Variants in CDIN1 observed in about 807,000 individuals in gnomAD.
The protein encoded by CDIN1 is CDAN1-interacting nuclease 1.
Under a neutral mutation model 45.3 loss-of-function variants are expected in CDIN1, and 33 were observed. That is an observed-to-expected ratio of 0.73 (90% CI 0.55 to 0.97). The LOEUF (loss-of-function observed/expected upper bound fraction) is 0.97. Ranked by LOEUF, CDIN1 falls within the 50% of genes least tolerant of loss-of-function variation. CDIN1 has a pLI of 0.00. For synonymous variants in CDIN1, 118 were observed against 124.4 expected (o/e 0.95, Z 0.34); for missense variants, 303 against 339.4 (o/e 0.89, Z 0.84).
intron 10 of CDIN1, among the ~76,000 whole-genome samples, chr15:36,733,976 A>G (rs1165735779): frequency 1.3e-5 from 2 of 152,154 alleles, no homozygotes; most frequent in Admixed American, 6.6e-5. Context: ...ATGTTAATAT[A>G]TTAATAGGGG....
At chr15:36,637,932 G>A (rs930230685) in intron 1 of CDIN1, among the ~76,000 whole-genome samples, 1 of 152,132 alleles carries the variant, frequency 6.6e-6, no homozygotes, top group African/African-American at 2.4e-5. Flanking sequence ...AACTAGGAAA[G>A]ATCAGAAGTG....
At chr15:36,584,455 G>A (rs2037196398) in intron 1 of CDIN1, among the ~76,000 whole-genome samples, 1 of 152,086 alleles carries the variant, frequency 6.6e-6, no homozygotes, top group South Asian at 2.1e-4. Flanking sequence ...AAAACAAAAA[G>A]CAAACAATAA....
At chr15:36,590,773 T>A (rs1566815442) in intron 1 of CDIN1, among the ~76,000 whole-genome samples, 3 of 152,222 alleles carry the variant, frequency 2.0e-5, no homozygotes, top group Non-Finnish European at 4.4e-5. Context: ...AGACCATTGA[T>A]ATTTACAAGG....
intron 10 of CDIN1, among the ~76,000 whole-genome samples, chr15:36,753,410 G>T (rs1373548902): frequency 6.6e-6 from 1 of 151,978 alleles, no homozygotes; most frequent in African/African-American, 2.4e-5. Context: ...GGATTATCTG[G>T]GATCATGTAG....
intron 1 of CDIN1, among the ~76,000 whole-genome samples, chr15:36,639,430 C>T (rs531502818): frequency 3.8e-4 from 58 of 152,254 alleles, no homozygotes; most frequent in Non-Finnish European, 7.8e-4. Context: ...CATGGTGAAA[C>T]CCTGTCTCTA....
At chr15:36,729,551 C>G (rs993945202) in intron 10 of CDIN1, among the ~76,000 whole-genome samples, 4 of 152,020 alleles carry the variant, frequency 2.6e-5, no homozygotes, top group South Asian at 2.1e-4. Context: ...GATAAATATG[C>G]CTTTGTCATG....
intron 10 of CDIN1, among the ~76,000 whole-genome samples, chr15:36,805,864 A>G (rs2597504): frequency 0.74 from 112,984 of 152,104 alleles, 43,272 homozygotes; most frequent in East Asian, 0.94. Flanking sequence ...TCACCCTCTA[A>G]AGTCCTTACT....
chr15:36,617,133 A>G, intron 1 of CDIN1: 1 of 954,992 alleles, frequency 1.0e-6, no homozygotes, highest in Non-Finnish European at 1.7e-6. Flanking sequence ...GAACTGGTTT[A>G]AATCCTAATG....
At chr15:36,728,219 A>ATTTTTTCCTTT (rs1415972133) in intron 10 of CDIN1, among the ~76,000 whole-genome samples, 1 of 152,132 alleles carries the variant, frequency 6.6e-6, no homozygotes, top group African/African-American at 2.4e-5. Context: ...GCTTCACTGG[A>ATTTTTTCCTTT]ATTGAAAAAG....
Position 36,800,873 on chromosome 15 carries a change from G to GTA in CDIN1, c.717-7445_717-7444dup, listed in dbSNP as rs1420469121. 6.4e-3 allele frequency among the ~76,000 whole-genome samples: 456 copies of GTA among 71,286 alleles called. 8 individuals carry two copies. The highest frequency in any genetic ancestry group is 0.017 in the South Asian group (29 of 1,742). The allele number at this position is 71,286 out of a possible 152,430, so 46.8% of individuals were successfully genotyped here. ...TGATTATACATATGTGTGTGTGTGTGTATATATGTGTGTGTGTGTGTGTGT... is the reference window on the plus strand; with the variant it reads ...TGATTATACATATGTGTGTGTGTGTGTATATATATGTGTGTGTGTGTGTGTGT... On this transcript the variant is annotated intron_variant, in intron 10 of 10. Transcript: ENST00000566621.
intron 10 of CDIN1, among the ~76,000 whole-genome samples, chr15:36,801,929 G>C (rs760185378): frequency 5.3e-5 from 8 of 152,124 alleles, no homozygotes; most frequent in Non-Finnish European, 7.3e-5. Flanking sequence ...ATCAAACTTA[G>C]AGTTATTCCC....
rs573260156 is a variant in CDIN1 at position 36,784,836 on chromosome 15, C to G, written c.717-23488C>G. Among the ~76,000 whole-genome samples, 5 of 152,208 alleles carry G rather than the reference C, an allele frequency of 3.3e-5. No homozygotes were observed. The East Asian group carries it at 9.7e-4, about 29-fold the overall frequency. On this transcript the variant is annotated intron_variant, in intron 10 of 10. Transcript: ENST00000566621. ...AGTACCATAAACATAATTGTTGCAC[C>G]ATGGTGCTCTTGCTAGAAATAGGCT... is the stretch of plus-strand genomic sequence containing the variant.
At chr15:36,707,336 GAA>G (rs1014965101) in intron 8 of CDIN1, 14 of 152,050 alleles carry the variant, frequency 9.2e-5, no homozygotes, top group African/African-American at 2.7e-4. Context: ...GTGAGAGAGA[GAA>G]AGAGAGAGAG....
chr15:36,725,264 T>A (rs2140893540), intron 10 of CDIN1, among the ~76,000 whole-genome samples: 1 of 151,368 alleles, frequency 6.6e-6, no homozygotes, highest in Non-Finnish European at 1.5e-5. Flanking sequence ...AGTACAGAAA[T>A]ATTAAATCAT....
Position 36,653,982 on chromosome 15 carries a change from C to T in CDIN1, c.213-116C>T, listed in dbSNP as rs571485556. ...TTCCTATGAAAGTAGCTTACTTTAA[C>T]TAGAGTTGAGCGTGGCATTTGTCCA... is the stretch of plus-strand genomic sequence containing the variant. On this transcript the variant is annotated intron_variant, in intron 3 of 10. Coordinates refer to ENST00000566621, the MANE Select transcript of CDIN1 (RefSeq NM_001321759.2). 171 of 705,948 alleles carry T rather than the reference C, an allele frequency of 2.4e-4. 1 individual carries two copies. The South Asian group carries it at 3.4e-3, about 14-fold the overall frequency. 43.7% of individuals were successfully genotyped at this position (705,948 alleles called of 1,614,324 possible). A position where few individuals can be genotyped will look rare whatever the true frequency, so the allele number is the denominator to read the frequency against.
Position 36,809,131 on chromosome 15 carries a change from A to G in CDIN1, c.*678A>G, listed in dbSNP as rs1291692195. ...TTGATGAGAATTTCCTCTTTTAATA[A>G]TGTTATTTGAACACCACATATTTTA... On this transcript the variant is annotated 3_prime_UTR_variant, in exon 11 of 11. Coordinates refer to ENST00000566621, the MANE Select transcript of CDIN1 (RefSeq NM_001321759.2). 1 of 328,932 alleles carries G rather than the reference A, an allele frequency of 3.0e-6. No individual in the cohort carries two copies. The highest frequency in any genetic ancestry group is 6.0e-6 in the Non-Finnish European group (1 of 165,916). 20.4% of individuals were successfully genotyped at this position (328,932 alleles called of 1,614,324 possible). A position where few individuals can be genotyped will look rare whatever the true frequency, so the allele number is the denominator to read the frequency against.
At chr15:36,679,071 T>G (rs2041755973) in intron 5 of CDIN1, among the ~76,000 whole-genome samples, 1 of 151,572 alleles carries the variant, frequency 6.6e-6, no homozygotes, top group African/African-American at 2.4e-5. Context: ...GACAACACAT[T>G]CACCTAATAC....
intron 8 of CDIN1, among the ~76,000 whole-genome samples, chr15:36,698,279 C>T (rs2042508748): frequency 6.6e-6 from 1 of 152,070 alleles, no homozygotes. Context: ...TCTTAATGTT[C>T]AATGTTTTTA....
chr15:36,737,203 C>T (rs1033980962), intron 10 of CDIN1, among the ~76,000 whole-genome samples: 9 of 151,932 alleles, frequency 5.9e-5, no homozygotes, highest in African/African-American at 1.2e-4. Flanking sequence ...TCACACTGCC[C>T]TTTTGCATGC....
Sources: allele counts gnomAD v4.1 joint callset (sites outside exome capture counted in the v4.1 genomes callset), GRCh38; gene constraint gnomAD v4.1.1; transcripts MANE v1.5; gene names NCBI Gene and HGNC (gene_info 2026-07-23, HGNC 2026-07-21).